The following ARHGAP10 variants were observed in gnomAD, a reference collection of about 807,000 sequenced individuals.
ARHGAP10 encodes the protein rho GTPase-activating protein 10.
A neutral mutation model predicts 108.6 loss-of-function variants in ARHGAP10; 87 were observed. The observed-to-expected ratio is 0.80, with a 90% CI of 0.67 to 0.96. The LOEUF is 0.96. Among genes scored for constraint, ARHGAP10 ranks in the 40% least tolerant of loss-of-function variants. The probability of loss-of-function intolerance (pLI) is 0.00; values close to 1 mark genes in which losing one functional copy is unlikely to be tolerated. For missense variants in ARHGAP10, 939 were observed against 954.5 expected (o/e 0.98, Z 0.21); for synonymous variants, 347 against 341.1 (o/e 1.02, Z -0.19).
intron 4 of ARHGAP10, among the ~76,000 whole-genome samples, chr4:147,856,706 C>T (rs549525004): frequency 1.6e-4 from 24 of 152,148 alleles, no homozygotes; most frequent in Non-Finnish European, 2.6e-4. Flanking sequence ...TCAAAAATAT[C>T]CAAAAATCTC....
At chr4:147,884,354 CAG>C (rs1735455015) in intron 10 of ARHGAP10, among the ~76,000 whole-genome samples, 1 of 152,144 alleles carries the variant, frequency 6.6e-6, no homozygotes, top group African/African-American at 2.4e-5. Flanking sequence ...ACTCTTGGAA[CAG>C]GGGAGGACTT....
chr4:147,781,426 G>C (rs2126730100), intron 1 of ARHGAP10, among the ~76,000 whole-genome samples: 1 of 152,272 alleles, frequency 6.6e-6, no homozygotes, highest in East Asian at 1.9e-4. Context: ...CCTACATATG[G>C]GGAATATGCA....
chr4:147,918,133 ATT>A (rs760617123), intron 13 of ARHGAP10, among the ~76,000 whole-genome samples: 302 of 129,918 alleles, frequency 2.3e-3, no homozygotes, highest in African/African-American at 8.2e-3. Context: ...TCTCATTAAG[ATT>A]TTTTTTTTTT....
chr4:147,893,623 A>G (rs1735878150), intron 10 of ARHGAP10, among the ~76,000 whole-genome samples: 1 of 148,960 alleles, frequency 6.7e-6, no homozygotes, highest in Admixed American at 6.7e-5. Flanking sequence ...CTATATATAT[A>G]TATTTCAATA....
chr4:148,009,208 G>T (rs575283749), intron 18 of ARHGAP10, among the ~76,000 whole-genome samples: 1 of 151,084 alleles, frequency 6.6e-6, no homozygotes, highest in African/African-American at 2.4e-5. Flanking sequence ...TAGGCCCACT[G>T]CAACCTCTGG....
In ARHGAP10 at chr4:147,877,479, C is replaced by T. The variant is rs182887948; in HGVS notation, c.833-1753C>T. 3.9e-5 allele frequency among the ~76,000 whole-genome samples: 6 copies of T among 152,214 alleles called. No individual in the cohort carries two copies. In the East Asian group the frequency reaches 1.2e-3, roughly 29 times the overall value. On this transcript the variant is annotated intron_variant, in intron 8 of 22. Coordinates refer to ENST00000336498, the MANE Select transcript of ARHGAP10 (RefSeq NM_024605.4). ...TTCCTTTTACATGAGTTATTTTTCCCCTCCTGGGCTTTTTTGATTTTTAGG... is the reference window on the plus strand; with the variant it reads ...TTCCTTTTACATGAGTTATTTTTCCTCTCCTGGGCTTTTTTGATTTTTAGG...
intron 1 of ARHGAP10, among the ~76,000 whole-genome samples, chr4:147,748,021 C>G (rs1182757846): frequency 6.6e-6 from 1 of 152,158 alleles, no homozygotes; most frequent in Non-Finnish European, 1.5e-5. Flanking sequence ...GTGCACAGGA[C>G]AGCTCCCCTA....
At chr4:147,967,182 C>G (rs974552329) in intron 18 of ARHGAP10, among the ~76,000 whole-genome samples, 1 of 152,176 alleles carries the variant, frequency 6.6e-6, no homozygotes, top group African/African-American at 2.4e-5. Context: ...GCACAGCAAC[C>G]CTGTACTCTT....
At chr4:148,063,994 C>G (rs548711041) in intron 21 of ARHGAP10, among the ~76,000 whole-genome samples, 208 of 152,352 alleles carry the variant, frequency 1.4e-3, no homozygotes, top group Middle Eastern at 6.8e-3. Context: ...CCAGTGGTTT[C>G]TCACCTGTGG....
At chr4:147,839,657 T>C (rs535082504) in intron 3 of ARHGAP10, among the ~76,000 whole-genome samples, 1 of 152,350 alleles carries the variant, frequency 6.6e-6, no homozygotes, top group East Asian at 1.9e-4. Context: ...ACATCAGAAC[T>C]TAGACTTTGA....
intron 18 of ARHGAP10, among the ~76,000 whole-genome samples, chr4:148,019,968 G>T (rs541685812): frequency 8.1e-4 from 124 of 152,220 alleles, no homozygotes; most frequent in African/African-American, 2.9e-3. Flanking sequence ...GAAGTGTTAT[G>T]AATTTCAATT....
intron 16 of ARHGAP10, among the ~76,000 whole-genome samples, chr4:147,957,067 A>G (rs1240749351): frequency 6.6e-6 from 1 of 152,186 alleles, no homozygotes; most frequent in Admixed American, 6.6e-5. Flanking sequence ...CTGTTGGACC[A>G]GTACCTTGTG....
At chr4:147,860,295 A>T (rs1224411018) in intron 5 of ARHGAP10, among the ~76,000 whole-genome samples, 1 of 152,158 alleles carries the variant, frequency 6.6e-6, no homozygotes, top group African/African-American at 2.4e-5. Flanking sequence ...ACAAAAAATT[A>T]GCTGGGTGTG....
In ARHGAP10 at chr4:148,072,198, G is replaced by T; in HGVS notation, c.*117G>T. 7 of 582,818 alleles carry T rather than the reference G, an allele frequency of 1.2e-5. No homozygotes were observed. Among genetic ancestry groups the T allele is most frequent in the South Asian group, 2.0e-5 (1 of 51,146 alleles). The allele number at this position is 582,818 out of a possible 1,614,324, so 36.1% of individuals were successfully genotyped here. A position where few individuals can be genotyped will look rare whatever the true frequency, so the allele number is the denominator to read the frequency against. The stretch of plus-strand genomic sequence containing the variant: ...CCCACAGGTACCTCCACACTTGGGA[G>T]TTACCATCATCACAGTCAGCCCTGG... On this transcript the variant is annotated 3_prime_UTR_variant, in exon 23 of 23. Coordinates refer to ENST00000336498, the MANE Select transcript of ARHGAP10 (RefSeq NM_024605.4).
chr4:148,054,810 C>T (rs1729292269), intron 20 of ARHGAP10, among the ~76,000 whole-genome samples: 1 of 152,210 alleles, frequency 6.6e-6, no homozygotes, highest in Admixed American at 6.5e-5. Flanking sequence ...GTAGCTCACC[C>T]ATTACAACAA....
chr4:147,970,131 T>C lies in ARHGAP10; in HGVS notation c.1716+3292T>C, dbSNP rs1739351049. 2.0e-5 allele frequency among the ~76,000 whole-genome samples: 3 copies of C among 152,102 alleles called. No homozygotes were observed. In the South Asian group the frequency reaches 6.2e-4, roughly 31 times the overall value. On this transcript the variant is annotated intron_variant, in intron 18 of 22. Coordinates refer to ENST00000336498, the MANE Select transcript of ARHGAP10 (RefSeq NM_024605.4). Reference sequence around the variant, plus strand: ...CTCCTGGCTCTTTGTTCCTGCTCAGTTGGACTTCACTGCAGAGTCCAGGCT... The same window carrying C: ...CTCCTGGCTCTTTGTTCCTGCTCAGCTGGACTTCACTGCAGAGTCCAGGCT...
intron 19 of ARHGAP10, among the ~76,000 whole-genome samples, chr4:148,024,220 C>T (rs896200647): frequency 2.0e-5 from 3 of 152,208 alleles, no homozygotes; most frequent in Non-Finnish European, 4.4e-5. Context: ...AGCTGTGACT[C>T]GTGTTGTGAG....
At chr4:147,943,659 A>G (rs4605627) in intron 14 of ARHGAP10, among the ~76,000 whole-genome samples, 151,719 of 152,326 alleles carry the variant, frequency 1, 75,560 homozygotes, top group East Asian at 1. Context: ...TAACAAACCC[A>G]TAAAGTGTCC....
intron 1 of ARHGAP10, among the ~76,000 whole-genome samples, chr4:147,743,028 T>G (rs796283198): frequency 1.8e-4 from 27 of 151,940 alleles, no homozygotes; most frequent in African/African-American, 5.5e-4. Context: ...CGATAGTTTT[T>G]TTTTTTTTTT....
Sources: gnomAD v4.1 joint callset for allele counts (sites outside exome capture counted in the v4.1 genomes callset) on GRCh38, gnomAD v4.1.1 for gene constraint, MANE v1.5 for transcripts, NCBI Gene and HGNC (gene_info 2026-07-23, HGNC 2026-07-21) for gene names.